TPO: variants seen among roughly 807,000 people sequenced by gnomAD.
TPO encodes the protein thyroid peroxidase.
A neutral mutation model predicts 96.9 loss-of-function variants in TPO; 78 were observed. The ratio of observed to expected loss-of-function variants is 0.81; its 90% confidence interval spans 0.67 to 0.97. The LOEUF (loss-of-function observed/expected upper bound fraction) is 0.97. TPO is among the 50% of genes least tolerant of loss of function. The pLI is 0.00. For missense variants in TPO, 1,252 were observed against 1,274.8 expected, an observed-to-expected ratio of 0.98 and a Z score of 0.27; for synonymous variants, 547 against 538.0, an observed-to-expected ratio of 1.02 and a Z score of -0.23.
rs1241212488 is a variant in TPO at position 1,439,065 on chromosome 2, C to T, written c.482+2681C>T. The T allele has an allele frequency of 2.9e-5, 15 of 520,876 alleles. 1 individual carries two copies. Among genetic ancestry groups the T allele is most frequent in the Non-Finnish European group, 4.4e-5 (13 of 292,684 alleles). 32.3% of individuals were successfully genotyped at this position (520,876 alleles called of 1,614,324 possible). ...AAACTCTTTAAAAAATGTATTGTGC[C>T]TAAGTTTACATTTTAACAACCTCAA... On this transcript the variant is annotated intron_variant, in intron 5 of 16. Coordinates refer to ENST00000329066, the MANE Select transcript of TPO (RefSeq NM_001206744.2).
rs765286623 is a variant in TPO at position 1,477,098 on chromosome 2, G to C, written c.832G>C (p.Ala278Pro). 2.4e-5 allele frequency: 38 copies of C among 1,604,726 alleles called. 2 individuals are homozygous for C. The South Asian group carries it at 2.6e-4, about 11-fold the overall frequency. ...CCTTTGCCTGCAGCTCCCGGAGGAG[G>C]CCCGGCCGGCCGCGGGCACCGCCTG... ...PCFPIQLPEEARPAAGTACLP... is the reference protein window; with the variant it reads ...PCFPIQLPEEPRPAAGTACLP... The change falls in exon 8 of 17, where the codon GCC becomes CCC. Residue 278 changes from alanine to proline, a missense_variant. Transcript: ENST00000329066.
rs773900220 is a variant in TPO at position 1,516,995 on chromosome 2, C to T, written c.2618+13C>T. ...TGATTTGCAGGTGGTAAGTCCTTCA[C>T]TTTTTGACTGTTACTTAGACACAAA... is the stretch of plus-strand genomic sequence containing the variant. On this transcript the variant is annotated intron_variant, in intron 15 of 16. Coordinates refer to ENST00000329066, the MANE Select transcript of TPO (RefSeq NM_001206744.2). The T allele has an allele frequency of 5.0e-5, 81 of 1,612,968 alleles. No individual in the cohort carries two copies. The highest frequency in any genetic ancestry group is 1.7e-4 in the Admixed American group (10 of 59,974).
At chr2:1,537,864 TC>T (rs201564557) in intron 15 of TPO, among the ~76,000 whole-genome samples, 13 of 17,186 alleles carry the variant, frequency 7.6e-4, no homozygotes, top group Admixed American at 5.0e-3. Context: ...CAATCTCAAA[TC>T]CCCCCCACTG....
intron 5 of TPO, among the ~76,000 whole-genome samples, chr2:1,447,200 G>A (rs180889028): frequency 1.1e-3 from 164 of 152,320 alleles, no homozygotes; most frequent in African/African-American, 3.6e-3. Flanking sequence ...TTAACTCTGA[G>A]AAGAAACATT....
At chr2:1,423,214 C>G in intron 3 of TPO, 85 bp downstream of exon 3, 2 of 1,309,104 alleles carry the variant, frequency 1.5e-6, no homozygotes, top group East Asian at 4.9e-5. Context: ...GCCTGATTTT[C>G]GCAATTGCAG....
chr2:1,408,897 C>T (rs977182123), upstream of TPO, among the ~76,000 whole-genome samples: 4 of 152,176 alleles, frequency 2.6e-5, no homozygotes, highest in African/African-American at 7.2e-5. Flanking sequence ...TTTAGAAAGA[C>T]GTGGCTGAAA....
In TPO at chr2:1,436,131, C is replaced by A. The variant is rs555730885; in HGVS notation, c.350-121C>A. 2.0e-5 allele frequency: 30 copies of A among 1,491,450 alleles called. No homozygotes were observed. In the African/African-American group the frequency reaches 2.6e-4, roughly 13 times the overall value. 92.4% of individuals were successfully genotyped at this position (1,491,450 alleles called of 1,614,324 possible). On this transcript the variant is annotated intron_variant, in intron 4 of 16. Transcript: ENST00000329066. ...AGGCAGATTTTCTCAAAAACAGTGACCCCAGTTACATATGAATCCCAAATT... is the reference window on the plus strand; with the variant it reads ...AGGCAGATTTTCTCAAAAACAGTGAACCCAGTTACATATGAATCCCAAATT...
At chr2:1,488,648 C>G (rs888141947) in intron 10 of TPO, among the ~76,000 whole-genome samples, 1 of 152,224 alleles carries the variant, frequency 6.6e-6, no homozygotes, top group Admixed American at 6.5e-5. Context: ...TAGGCCCGAT[C>G]CCCTGACACC....
rs186624004 is a variant in TPO at position 1,522,118 on chromosome 2, C to T, written c.2618+5136C>T. Among the ~76,000 whole-genome samples the T allele has an allele frequency of 3.9e-3, 581 of 150,202 alleles. 1 individual carries two copies. The highest frequency in any genetic ancestry group is 0.011 in the African/African-American group (466 of 40,782). ...ACCGTGCCCTGGCAGTCTCTCTACC[C>T]GACACCGGCCCTGCCACCGTGCCCT... On this transcript the variant is annotated intron_variant, in intron 15 of 16. Transcript: ENST00000329066.
rs372820278 is a variant in TPO at position 1,530,576 on chromosome 2, C to T, written c.2619-10018C>T. Among the ~76,000 whole-genome samples the T allele has an allele frequency of 1.1e-4, 13 of 116,508 alleles. 1 individual carries two copies. Among genetic ancestry groups the T allele is most frequent in the South Asian group, 7.0e-4 (2 of 2,852 alleles). The allele number at this position is 116,508 out of a possible 152,430, so 76.4% of individuals were successfully genotyped here. On this transcript the variant is annotated intron_variant, in intron 15 of 16. Coordinates refer to ENST00000329066, the MANE Select transcript of TPO (RefSeq NM_001206744.2). ...TTGTGGGCAACGTCACAAAATCCCACGATGTGTGCAACCTCCCCAAATCCC... is the reference window on the plus strand; with the variant it reads ...TTGTGGGCAACGTCACAAAATCCCATGATGTGTGCAACCTCCCCAAATCCC...
chr2:1,374,245 G>A (rs1473598815), exon 1 of TPO: 2 of 152,230 alleles, frequency 1.3e-5, no homozygotes, highest in Non-Finnish European at 1.5e-5. Flanking sequence ...AAGGATTGAA[G>A]GCAATGGGCT....
intron 13 of TPO, among the ~76,000 whole-genome samples, chr2:1,501,802 C>T (rs1672902020): frequency 6.6e-6 from 1 of 152,134 alleles, no homozygotes; most frequent in Non-Finnish European, 1.5e-5. Context: ...CTCCCGAGAG[C>T]CTGCTGAAGG....
At chr2:1,519,085 C>T (rs893076080) in intron 15 of TPO, among the ~76,000 whole-genome samples, 4 of 152,166 alleles carry the variant, frequency 2.6e-5, no homozygotes, top group African/African-American at 4.8e-5. Context: ...CTGGGAAGAT[C>T]GCCAGCAGCC....
chr2:1,378,654 C>G (rs929340759), intron 1 of TPO, among the ~76,000 whole-genome samples: 9 of 152,216 alleles, frequency 5.9e-5, no homozygotes, highest in Non-Finnish European at 1.2e-4. Flanking sequence ...CCGTGCTGCT[C>G]TCCCTGGGAG....
intron 15 of TPO, among the ~76,000 whole-genome samples, chr2:1,526,927 C>T (rs1676665433): frequency 6.8e-6 from 1 of 147,050 alleles, no homozygotes; most frequent in African/African-American, 2.5e-5. Context: ...AAATCCCCTC[C>T]ACTCTGTGCA....
At chr2:1,446,092 C>G (rs940415347) in intron 5 of TPO, among the ~76,000 whole-genome samples, 13 of 152,146 alleles carry the variant, frequency 8.5e-5, no homozygotes, top group African/African-American at 3.1e-4. Context: ...GTGGCCGAGT[C>G]TTCCATGGGC....
intron 15 of TPO, among the ~76,000 whole-genome samples, chr2:1,526,579 C>G (rs984375479): frequency 6.7e-6 from 1 of 148,708 alleles, no homozygotes. Context: ...AAATCCCACG[C>G]CACTGTGAGC....
At chr2:1,524,189 A>ATCCTGTGTGCAACCTCCTCAAATCCCCC (rs1675869209) in intron 15 of TPO, among the ~76,000 whole-genome samples, 1 of 54,088 alleles carries the variant, frequency 1.8e-5, no homozygotes. Flanking sequence ...TCAAATCCCC[A>ATCCTGTGTGCAACCTCCTCAAATCCCCC]TCCTGTGTGC....
intron 5 of TPO, among the ~76,000 whole-genome samples, chr2:1,437,551 G>C (rs956526283): frequency 2.6e-5 from 4 of 152,148 alleles, no homozygotes; most frequent in African/African-American, 9.7e-5. Context: ...AACAGGAATC[G>C]GGGTCCTGGG....
Sources: gnomAD v4.1 joint callset for allele counts (sites outside exome capture counted in the v4.1 genomes callset) on GRCh38, gnomAD v4.1.1 for gene constraint, MANE v1.5 for transcripts, NCBI Gene and HGNC (gene_info 2026-07-23, HGNC 2026-07-21) for gene names.